Variants in PDE4D observed in about 807,000 individuals in gnomAD.
PDE4D encodes the protein phosphodiesterase 4D.
A neutral mutation model predicts 87.4 loss-of-function variants in PDE4D; 24 were observed. That is an observed-to-expected ratio of 0.27 (90% CI 0.20 to 0.39). The LOEUF (loss-of-function observed/expected upper bound fraction) is 0.39, where lower values mean the gene tolerates loss of function less well. Ranked by LOEUF, PDE4D falls within the 10% of genes least tolerant of loss-of-function variation. PDE4D has a pLI of 1.00. For synonymous variants in PDE4D, 384 were observed against 383.2 expected (o/e 1.00, Z -0.02); for missense variants, 714 against 1,041.0 (o/e 0.69, Z 4.32).
intron 1 of PDE4D, among the ~76,000 whole-genome samples, chr5:59,738,282 T>C (rs1022211225): frequency 1.3e-5 from 2 of 152,168 alleles, no homozygotes; most frequent in African/African-American, 4.8e-5. Flanking sequence ...TGTCATACAA[T>C]GTATTCTGTT....
At chr5:59,045,748 G>T (rs1760518472) in intron 5 of PDE4D, among the ~76,000 whole-genome samples, 1 of 152,110 alleles carries the variant, frequency 6.6e-6, no homozygotes, top group Admixed American at 6.5e-5. Context: ...GAGTGACTCA[G>T]AGTACTGTGT....
intron 1 of PDE4D, among the ~76,000 whole-genome samples, chr5:60,313,151 G>C (rs1280812184): frequency 2.6e-5 from 4 of 151,260 alleles, no homozygotes; most frequent in African/African-American, 9.7e-5. Context: ...TTGGTTTTTT[G>C]AAAGAATAAA....
Position 59,762,595 on chromosome 5 carries a change from TATATGTGTATATAGGTAC to T in PDE4D, c.455+130555_455+130572del. Among the ~76,000 whole-genome samples the T allele has an allele frequency of 1.4e-5, 2 of 146,100 alleles. 1 individual carries two copies. Among genetic ancestry groups the T allele is most frequent in the Non-Finnish European group, 3.0e-5 (2 of 65,852 alleles). On this transcript the variant is annotated intron_variant, in intron 1 of 14. Transcript: ENST00000340635. ...ATGTGTATATGGGTACACATATGTG[TATATGTGTATATAGGTAC>T]ATATGTGTATATGTGTATATGGGTA...
At chr5:60,149,239 T>C (rs747293771) in intron 2 of PDE4D, among the ~76,000 whole-genome samples, 1 of 152,194 alleles carries the variant, frequency 6.6e-6, no homozygotes, top group Non-Finnish European at 1.5e-5. Flanking sequence ...ATTTAGCTTA[T>C]GGTTCTGGAG....
chr5:60,173,558 TACACAC>T (rs373576079), intron 2 of PDE4D, among the ~76,000 whole-genome samples: 2 of 150,260 alleles, frequency 1.3e-5, no homozygotes, highest in African/African-American at 4.9e-5. Flanking sequence ...TAACAGAAAT[TACACAC>T]ACACACACAC....
chr5:59,826,282 C>A (rs1050596014), intron 1 of PDE4D, among the ~76,000 whole-genome samples: 2 of 152,126 alleles, frequency 1.3e-5, no homozygotes, highest in African/African-American at 4.8e-5. Flanking sequence ...AATGACCATT[C>A]AGTCATCAGC....
intron 1 of PDE4D, among the ~76,000 whole-genome samples, chr5:59,852,829 A>T (rs1022129261): frequency 1.3e-5 from 2 of 152,016 alleles, no homozygotes; most frequent in African/African-American, 4.8e-5. Context: ...AGGAATAAAA[A>T]AAAAAAGAGT....
chr5:59,132,083 A>G (rs902789618), intron 5 of PDE4D, among the ~76,000 whole-genome samples: 2 of 152,168 alleles, frequency 1.3e-5, no homozygotes, highest in Non-Finnish European at 2.9e-5. Flanking sequence ...GCAATTTTGT[A>G]TACCCCAAAG....
intron 1 of PDE4D, among the ~76,000 whole-genome samples, chr5:59,286,777 A>G (rs1000399402): frequency 5.9e-5 from 9 of 152,202 alleles, no homozygotes; most frequent in Non-Finnish European, 1.0e-4. Context: ...TACCTATTCT[A>G]GATATTTCAT....
At chr5:59,703,266 C>G (rs1432180475) in intron 1 of PDE4D, among the ~76,000 whole-genome samples, 1 of 152,174 alleles carries the variant, frequency 6.6e-6, no homozygotes, top group African/African-American at 2.4e-5. Context: ...TTTCACATCA[C>G]ATTTTACAAC....
chr5:59,786,650 A>G (rs1165597771), intron 1 of PDE4D, among the ~76,000 whole-genome samples: 1 of 152,242 alleles, frequency 6.6e-6, no homozygotes, highest in African/African-American at 2.4e-5. Flanking sequence ...TGCCATGACT[A>G]TGAAAAAGTA....
At chr5:60,254,254 C>G (rs1220102972) in intron 1 of PDE4D, among the ~76,000 whole-genome samples, 1 of 151,880 alleles carries the variant, frequency 6.6e-6, no homozygotes, top group African/African-American at 2.4e-5. Context: ...TACCAAGAGG[C>G]AAGAGATTTC....
At chr5:59,928,506 C>T (rs142208725) in intron 3 of PDE4D, among the ~76,000 whole-genome samples, 6 of 151,878 alleles carry the variant, frequency 4.0e-5, no homozygotes, top group East Asian at 1.9e-4. Flanking sequence ...TGAACCCAGG[C>T]GGTGGAGGTC....
intron 1 of PDE4D, among the ~76,000 whole-genome samples, chr5:59,504,534 C>A (rs973356905): frequency 3.3e-5 from 5 of 152,176 alleles, no homozygotes; most frequent in Admixed American, 1.3e-4. Context: ...GGATTCATTT[C>A]TGTTCTCATA....
chr5:60,503,496 G>A (rs185294332), intron 1 of PDE4D, among the ~76,000 whole-genome samples: 1 of 151,950 alleles, frequency 6.6e-6, no homozygotes. Context: ...CATTCCTTTG[G>A]TATTCCTTGC....
intron 1 of PDE4D, among the ~76,000 whole-genome samples, chr5:60,223,380 A>C (rs923861741): frequency 5.3e-5 from 8 of 152,128 alleles, no homozygotes; most frequent in Admixed American, 1.3e-4. Flanking sequence ...AGAATCTGCT[A>C]TAATTTATTT....
At chr5:60,044,136 A>C (rs1452465790) in intron 2 of PDE4D, among the ~76,000 whole-genome samples, 1 of 152,012 alleles carries the variant, frequency 6.6e-6, no homozygotes, top group African/African-American at 2.4e-5. Context: ...ATATTTTCAA[A>C]TAGCTAAAAG....
chr5:60,140,300 G>C (rs1048928149), intron 2 of PDE4D, among the ~76,000 whole-genome samples: 5 of 151,874 alleles, frequency 3.3e-5, no homozygotes, highest in African/African-American at 9.7e-5. Flanking sequence ...AAATTTTCTA[G>C]TAATTTCTAT....
intron 5 of PDE4D, among the ~76,000 whole-genome samples, chr5:59,048,047 A>G (rs539385787): frequency 5.3e-5 from 8 of 152,222 alleles, no homozygotes; most frequent in Non-Finnish European, 1.2e-4. Context: ...ACAAATATCA[A>G]GGCTTTGCCA....
Sources: allele counts gnomAD v4.1 joint callset (sites outside exome capture counted in the v4.1 genomes callset), GRCh38; gene constraint gnomAD v4.1.1; transcripts MANE v1.5; gene names NCBI Gene and HGNC (gene_info 2026-07-23, HGNC 2026-07-21).